Variants in SFMBT1 observed in about 807,000 individuals in gnomAD.
SFMBT1 encodes scm-like with four MBT domains protein 1.
Under a neutral mutation model 108.7 loss-of-function variants are expected in SFMBT1, and 32 were observed. The observed-to-expected ratio is 0.29, with a 90% CI of 0.22 to 0.40. SFMBT1 has a LOEUF of 0.40. Among genes scored for constraint, SFMBT1 ranks in the 10% least tolerant of loss-of-function variants. SFMBT1 has a pLI of 1.00. For synonymous variants in SFMBT1, 348 were observed against 369.5 expected, an observed-to-expected ratio of 0.94 and a Z score of 0.67; for missense variants, 816 against 1,059.6, an observed-to-expected ratio of 0.77 and a Z score of 3.19.
chr3:53,008,528 T>C (rs1698826493), intron 1 of SFMBT1, among the ~76,000 whole-genome samples: 1 of 152,070 alleles, frequency 6.6e-6, no homozygotes, highest in Admixed American at 6.6e-5. Context: ...GGAAGTAGTA[T>C]AAAATAGTGT....
At chr3:52,971,589 A>AG (rs1206412336) in intron 1 of SFMBT1, among the ~76,000 whole-genome samples, 1 of 152,208 alleles carries the variant, frequency 6.6e-6, no homozygotes, top group Non-Finnish European at 1.5e-5. Flanking sequence ...CCACTACTGT[A>AG]GGGGTGGGGT....
In SFMBT1 at chr3:52,999,127, G is replaced by A. The variant is rs1381211694; in HGVS notation, c.-130-29869C>T. On this transcript the variant is annotated intron_variant, in intron 1 of 20. Transcript: ENST00000394752. ...CTGCTGATCAAGGGCCCAGTACAAA[G>A]GCCGTCATGGAGATCCAGGCCTTCG... is the stretch of plus-strand genomic sequence containing the variant. Among the ~76,000 whole-genome samples, 2 of 150,916 alleles carry A rather than the reference G, an allele frequency of 1.3e-5. 1 individual carries two copies. Among genetic ancestry groups the A allele is most frequent in the East Asian group, 3.9e-4 (2 of 5,158 alleles).
chr3:52,977,902 G>C (rs1704573125), intron 1 of SFMBT1, among the ~76,000 whole-genome samples: 1 of 152,042 alleles, frequency 6.6e-6, no homozygotes, highest in South Asian at 2.1e-4. Context: ...GTTTACTTCA[G>C]TGATTTAAAA....
At chr3:52,940,477 A>C (rs1196754403) in intron 4 of SFMBT1, among the ~76,000 whole-genome samples, 17 of 152,232 alleles carry the variant, frequency 1.1e-4, no homozygotes, top group Non-Finnish European at 1.5e-5. Context: ...AATATAAAGT[A>C]AAGGATTATA....
chr3:53,008,747 G>T (rs1698837176), intron 1 of SFMBT1, among the ~76,000 whole-genome samples: 1 of 151,316 alleles, frequency 6.6e-6, no homozygotes, highest in South Asian at 2.1e-4. Context: ...CCATTCTCCT[G>T]CCTCAGCCTC....
At chr3:52,971,330 T>C (rs1704336409) in intron 1 of SFMBT1, among the ~76,000 whole-genome samples, 1 of 152,224 alleles carries the variant, frequency 6.6e-6, no homozygotes, top group African/African-American at 2.4e-5. Flanking sequence ...ACTATTAAAA[T>C]TGTGGACATC....
At chr3:52,956,821 A>C (rs1387179633) in intron 2 of SFMBT1, among the ~76,000 whole-genome samples, 1 of 152,194 alleles carries the variant, frequency 6.6e-6, no homozygotes, top group Non-Finnish European at 1.5e-5. Context: ...GATGGAACAT[A>C]TCTCAAAATA....
chr3:53,010,517 T>C (rs537774144), intron 1 of SFMBT1, among the ~76,000 whole-genome samples: 4 of 152,278 alleles, frequency 2.6e-5, no homozygotes, highest in East Asian at 1.9e-4. Flanking sequence ...GAAAGAAAAT[T>C]ATACAAGAAA....
chr3:52,907,883 T>G (rs1190200081), intron 17 of SFMBT1, 150 bp from the exon 18 acceptor site: 9 of 728,754 alleles, frequency 1.2e-5, no homozygotes, highest in Middle Eastern at 7.8e-4. Flanking sequence ...AGATCTGAAG[T>G]GCACGGTTTG....
At chr3:52,969,635 C>T (rs1358636007) in intron 1 of SFMBT1, among the ~76,000 whole-genome samples, 1 of 152,154 alleles carries the variant, frequency 6.6e-6, no homozygotes, top group Non-Finnish European at 1.5e-5. Context: ...AGTTAGCTTT[C>T]AATGCTGTCT....
chr3:53,028,827 C>G (rs114374701), intron 1 of SFMBT1, among the ~76,000 whole-genome samples: 1 of 152,136 alleles, frequency 6.6e-6, no homozygotes, highest in African/African-American at 2.4e-5. Context: ...TCAGAGGGGA[C>G]CTGCCTGCCT....
At chr3:52,995,411 C>G (rs1698288616) in intron 1 of SFMBT1, among the ~76,000 whole-genome samples, 1 of 150,142 alleles carries the variant, frequency 6.7e-6, no homozygotes, top group Non-Finnish European at 1.5e-5. Flanking sequence ...TATTTTGAGG[C>G]AGGGTCTTGC....
intron 1 of SFMBT1, among the ~76,000 whole-genome samples, chr3:53,024,818 A>G (rs1699433764): frequency 6.6e-6 from 1 of 152,236 alleles, no homozygotes; most frequent in East Asian, 1.9e-4. Flanking sequence ...GTGTAAGAAT[A>G]TAACGAATAT....
At chr3:52,941,431 T>C (rs918157987) in intron 4 of SFMBT1, among the ~76,000 whole-genome samples, 1 of 151,578 alleles carries the variant, frequency 6.6e-6, no homozygotes, top group South Asian at 2.1e-4. Context: ...CCGTCTCTAC[T>C]AAAATGCAAA....
chr3:52,986,877 T>C (rs1049610855), intron 1 of SFMBT1, among the ~76,000 whole-genome samples: 15 of 151,526 alleles, frequency 9.9e-5, no homozygotes, highest in Admixed American at 5.3e-4. Flanking sequence ...GAGGTGGAGG[T>C]TGCAGTGAGC....
chr3:52,987,867 C>T (rs971018542), intron 1 of SFMBT1, among the ~76,000 whole-genome samples: 2 of 152,128 alleles, frequency 1.3e-5, no homozygotes, highest in African/African-American at 2.4e-5. Flanking sequence ...TGAAAGGATA[C>T]AGTACACATT....
At chr3:52,950,467 G>C (rs1703535547) in intron 3 of SFMBT1, among the ~76,000 whole-genome samples, 1 of 152,098 alleles carries the variant, frequency 6.6e-6, no homozygotes, top group Admixed American at 6.6e-5. Context: ...AATTGTTGCT[G>C]TCATTACTTT....
At chr3:52,999,228 G>A (rs1219888409) in intron 1 of SFMBT1, among the ~76,000 whole-genome samples, 3 of 150,776 alleles carry the variant, frequency 2.0e-5, no homozygotes, top group Non-Finnish European at 4.5e-5. Flanking sequence ...GGGTCAAGGC[G>A]TTCCCGGGGT....
At chr3:53,031,098 C>G (rs897956941) in intron 1 of SFMBT1, among the ~76,000 whole-genome samples, 1 of 152,192 alleles carries the variant, frequency 6.6e-6, no homozygotes, top group Non-Finnish European at 1.5e-5. Flanking sequence ...CTCCTGGTTT[C>G]AGGGATCCCA....
Sources: gnomAD v4.1 joint callset for allele counts (sites outside exome capture counted in the v4.1 genomes callset) on GRCh38, gnomAD v4.1.1 for gene constraint, MANE v1.5 for transcripts, NCBI Gene and HGNC (gene_info 2026-07-23, HGNC 2026-07-21) for gene names.